The following ACY1 variants were observed in gnomAD, a reference collection of about 807,000 sequenced individuals.
ACY1 encodes the protein aminoacylase 1.
Under a neutral mutation model 53.3 loss-of-function variants are expected in ACY1, and 38 were observed. The ratio of observed to expected loss-of-function variants is 0.71; its 90% CI spans 0.55 to 0.93. The LOEUF (loss-of-function observed/expected upper bound fraction) is 0.93, where lower values mean the gene tolerates loss of function less well. Among genes scored for constraint, ACY1 ranks in the 40% least tolerant of loss-of-function variants. The probability of loss-of-function intolerance (pLI) is 0.00; values close to 1 mark genes in which losing one functional copy is unlikely to be tolerated. For synonymous variants in ACY1, 177 were observed against 202.1 expected (o/e 0.88, Z 1.05); for missense variants, 484 against 540.9 (o/e 0.89, Z 1.04).
intron 12 of ACY1, 89 bp from the exon 13 acceptor site, chr3:51,988,435 G>A (rs879470114): frequency 7.5e-6 from 9 of 1,200,960 alleles, no homozygotes; most frequent in Admixed American, 1.7e-5. Context: ...GTGGGGAGGT[G>A]TTATGTACTA....
Position 51,986,410 on chromosome 3 carries a change from T to C in ACY1, c.437-5T>C. 1 of 1,609,898 alleles carries C rather than the reference T, an allele frequency of 6.2e-7. No individual in the cohort carries two copies. The highest frequency in any genetic ancestry group is 2.2e-5 in the East Asian group (1 of 44,786). On this transcript the variant is annotated splice_region_variant and splice_polypyrimidine_tract_variant and intron_variant, in intron 6 of 14. Coordinates refer to ENST00000636358, the MANE Select transcript of ACY1 (RefSeq NM_000666.3). ...CCTCATCTCACGTCCCTGCTGCTTT[T>C]ACAGATGAGGAGGTTGGGGGTCACC...
rs769660106 is a variant in ACY1 at position 51,984,109 on chromosome 3, C to G, written c.45C>G (p.Leu15=). The G allele has an allele frequency of 2.2e-5, 35 of 1,613,812 alleles. 1 individual carries two copies. In the Middle Eastern group the frequency reaches 6.6e-4, roughly 30 times the overall value. The part of the protein sequence containing the change: ...GPEEEHPSVT[L]FRQYLRIRTV... ...AGGAGGAGCACCCATCGGTGACGCT[C>G]TTCCGCCAGTACCTGCGTATCCGCA... The change falls in exon 2 of 15, where the codon CTC becomes CTG. Residue 15 remains leucine (L), a synonymous_variant. Coordinates refer to ENST00000636358, the MANE Select transcript of ACY1 (RefSeq NM_000666.3).
At position 51,988,513 on chromosome 3, in the gene ACY1, C is replaced by CT. The variant is rs780523434; in HGVS notation, c.922-10dup. On this transcript the variant is annotated splice_polypyrimidine_tract_variant and intron_variant, in intron 12 of 14. Transcript: ENST00000636358. ...CCATGTCCTGATCCTGCCATTCTTC[C>CT]TGTCCCTCAGAAGTGGATGCACCCC... 2 of 1,613,448 alleles carry CT rather than the reference C, an allele frequency of 1.2e-6. No homozygotes were observed. Among genetic ancestry groups the CT allele is most frequent in the Non-Finnish European group, 1.7e-6 (2 of 1,179,474 alleles).
intron 4 of ACY1, 21 bp downstream of exon 4, chr3:51,985,486 G>C: frequency 6.2e-7 from 1 of 1,611,254 alleles, no homozygotes; most frequent in Non-Finnish European, 8.5e-7. Context: ...GGCTGGGGAG[G>C]TGGGCAGTGC....
intron 12 of ACY1, 39 bp downstream of exon 12, chr3:51,987,663 C>CG: frequency 6.2e-7 from 1 of 1,602,638 alleles, no homozygotes; most frequent in Non-Finnish European, 8.5e-7. Flanking sequence ...GTGTGGGAGC[C>CG]GGGGGAGACC....
At position 51,986,395 on chromosome 3, in the gene ACY1, C is replaced by T. The variant is rs323893; in HGVS notation, c.437-20C>T. The T allele has an allele frequency of 0.039, 62,206 of 1,607,980 alleles. 4,791 individuals carry two copies. Among genetic ancestry groups the T allele is most frequent in the African/African-American group, 0.32 (23,787 of 74,630 alleles). ...GGGGCGGGGCAGCCTCCTCATCTCA[C>T]GTCCCTGCTGCTTTTACAGATGAGG... On this transcript the variant is annotated intron_variant, in intron 6 of 14. Transcript: ENST00000636358.
intron 2 of ACY1, chr3:51,984,814 CAAAAAAA>C (rs34294622): frequency 4.6e-4 from 55 of 120,096 alleles, no homozygotes; most frequent in South Asian, 7.7e-4. Context: ...GACCCTGTCT[CAAAAAAA>C]AAAAAAAAAA....
chr3:51,988,702 C>T, intron 13 of ACY1, 64 bp from the exon 14 acceptor site: 1 of 1,601,272 alleles, frequency 6.2e-7, no homozygotes, highest in Non-Finnish European at 8.6e-7. Flanking sequence ...TCTTTCCCAC[C>T]TTCCTTTGCC....
chr3:51,988,448 C>A, intron 12 of ACY1, 76 bp from the exon 13 acceptor site: 1 of 1,378,274 alleles, frequency 7.3e-7, no homozygotes. Flanking sequence ...ATGTACTAGG[C>A]ACAGCCCACT....
At chr3:51,983,852 G>A (rs144076997) in intron 1 of ACY1, among the ~76,000 whole-genome samples, 195 bp from the exon 2 acceptor site, 3 of 152,200 alleles carry the variant, frequency 2.0e-5, no homozygotes, top group African/African-American at 7.2e-5. Context: ...CTCTTTTGGG[G>A]ATTAAATAAG....
At chr3:51,985,099 C>T (rs567179773) in intron 2 of ACY1, 108 bp from the exon 3 acceptor site, 31 of 1,092,460 alleles carry the variant, frequency 2.8e-5, no homozygotes, top group Admixed American at 1.2e-4. Flanking sequence ...TGGAGTGTGT[C>T]GGGGAGGCAG....
intron 1 of ACY1, 122 bp from the exon 2 acceptor site, chr3:51,983,925 T>C: frequency 1.4e-6 from 1 of 733,154 alleles, no homozygotes; most frequent in Non-Finnish European, 2.4e-6. Flanking sequence ...TAATGGGGGC[T>C]CCGAAACACG....
intron 2 of ACY1, 141 bp from the exon 3 acceptor site, chr3:51,985,066 A>T (rs1701009214): frequency 1.2e-6 from 1 of 851,248 alleles, no homozygotes; most frequent in Non-Finnish European, 1.9e-6. Flanking sequence ...TGGGGATGGA[A>T]ATGCAAGCAT....
chr3:51,985,195 CTG>C lies in ACY1; in HGVS notation c.95-9_95-8del. On this transcript the variant is annotated splice_polypyrimidine_tract_variant and intron_variant, in intron 2 of 14. Coordinates refer to ENST00000636358, the MANE Select transcript of ACY1 (RefSeq NM_000666.3). Reference sequence around the variant, plus strand: ...TAGGCAGAAGCAGCCCCAAGACACTCTGTGCCTCCAGGAGCTGCTGTGGCTTT... The same window carrying C: ...TAGGCAGAAGCAGCCCCAAGACACTCTGCCTCCAGGAGCTGCTGTGGCTTT... 6.2e-7 allele frequency: 1 copy of C among 1,600,006 alleles called. No individual in the cohort carries two copies.
chr3:51,984,265 C>T, intron 2 of ACY1, 107 bp downstream of exon 2: 1 of 1,035,484 alleles, frequency 9.7e-7, no homozygotes. Flanking sequence ...ACTCTGCTGT[C>T]CCAAATGGCT....
At chr3:51,988,735 C>G in intron 13 of ACY1, 31 bp from the exon 14 acceptor site, 1 of 1,613,058 alleles carries the variant, frequency 6.2e-7, no homozygotes, top group Non-Finnish European at 8.5e-7. Context: ...CGCTTTCTCC[C>G]TCCCCATTCA....
chr3:51,985,507 G>A lies in ACY1; in HGVS notation c.264+42G>A, dbSNP rs559889981. 133 of 1,591,244 alleles carry A rather than the reference G, an allele frequency of 8.4e-5. No homozygotes were observed. In the South Asian group the frequency reaches 1.1e-3, roughly 13 times the overall value. ...GGAGGTGGGCAGTGCAGGCCTTGGG[G>A]ACAGACATGATGCAGACCCCAGGAT... On this transcript the variant is annotated intron_variant, in intron 4 of 14. Coordinates refer to ENST00000636358, the MANE Select transcript of ACY1 (RefSeq NM_000666.3).
chr3:51,987,596 G>A lies in ACY1; in HGVS notation c.893G>A (p.Gly298Asp). The A allele has an allele frequency of 6.2e-7, 1 of 1,614,112 alleles. No homozygotes were observed. Among genetic ancestry groups the A allele is most frequent in the Non-Finnish European group, 8.5e-7 (1 of 1,180,000 alleles). The change falls in exon 12 of 15, where the codon GGC (glycine) becomes GAC (aspartate). Residue 298 changes from glycine to aspartate, a missense_variant. Gly to Asp is a moderately conservative substitution (Grantham distance 94). Transcript: ENST00000636358. ...EQLQSWCQAA[G>D]EGVTLEFAQK... ...CTGCAGAGCTGGTGCCAGGCAGCTG[G>A]CGAGGGGGTCACCCTAGAGTTTGCT...
At position 51,988,596 on chromosome 3, in the gene ACY1, A is replaced by G. The variant is rs762117538; in HGVS notation, c.994A>G (p.Lys332Glu). The G allele has an allele frequency of 1.2e-6, 2 of 1,613,978 alleles. No individual in the cohort carries two copies. The highest frequency in any genetic ancestry group is 2.7e-5 in the African/African-American group (2 of 74,876). Residue 332 changes from lysine (K) to glutamate (E), a missense_variant, in exon 13 of 15, where the codon AAG (lysine) becomes GAG (glutamate). Transcript: ENST00000636358. Reference protein sequence around the residue: ...PWWAAFSRVCKDMNLTLEPEI... With the variant: ...PWWAAFSRVCEDMNLTLEPEI... ...GTGGGCAGCTTTTAGCCGGGTCTGC[A>G]AGGATATGTGAGCACGCTGGCCAGC...
Sources: allele counts gnomAD v4.1 joint callset (sites outside exome capture counted in the v4.1 genomes callset), GRCh38; gene constraint gnomAD v4.1.1; transcripts MANE v1.5; gene names NCBI Gene and HGNC (gene_info 2026-07-23, HGNC 2026-07-21).